GRAMD1C: variants seen among roughly 807,000 people sequenced by gnomAD.
GRAMD1C encodes the protein protein Aster-C.
Under a neutral mutation model 97.8 loss-of-function variants are expected in GRAMD1C, and 89 were observed. That is an observed-to-expected ratio of 0.91 (90% confidence interval 0.77 to 1.09). The LOEUF (loss-of-function observed/expected upper bound fraction) is 1.09, where lower values mean the gene tolerates loss of function less well. Ranked by LOEUF, GRAMD1C falls within the 50% of genes least tolerant of loss-of-function variation. The pLI is 0.00. For synonymous variants in GRAMD1C, 256 were observed against 267.0 expected (o/e 0.96, Z 0.40); for missense variants, 740 against 766.4 (o/e 0.97, Z 0.41).
intron 2 of GRAMD1C, chr3:113,850,449 A>G: frequency 2.3e-6 from 3 of 1,326,434 alleles, no homozygotes; most frequent in Non-Finnish European, 3.2e-6. Flanking sequence ...GGATGGCTGC[A>G]GCGTAGGGTG....
intron 1 of GRAMD1C, among the ~76,000 whole-genome samples, chr3:113,831,969 T>G (rs189589229): frequency 1.1e-3 from 165 of 152,312 alleles, no homozygotes; most frequent in African/African-American, 3.9e-3. Context: ...CAAACTGTCT[T>G]GTTTCTTTGT....
rs537328892 is a variant in GRAMD1C, at chr3:113,870,261, G to A, written c.259+670G>A. 2.0e-5 allele frequency among the ~76,000 whole-genome samples: 3 copies of A among 152,084 alleles called. No homozygotes were observed. The South Asian group carries it at 6.2e-4, about 32-fold the overall frequency. ...GCCTGCAGTCCCAGCTGCTCAAGAG[G>A]CTGAGATGAGAGAATCACTGAGCCC... On this transcript the variant is annotated intron_variant, in intron 3 of 17. Coordinates refer to ENST00000358160, the MANE Select transcript of GRAMD1C (RefSeq NM_017577.5).
intron 2 of GRAMD1C, among the ~76,000 whole-genome samples, chr3:113,857,945 T>G (rs529741000): frequency 6.6e-6 from 1 of 152,206 alleles, no homozygotes; most frequent in African/African-American, 2.4e-5. Context: ...ATGAGGGATA[T>G]TGTTCTGTAA....
At chr3:113,859,854 CA>C (rs1934294825) in intron 2 of GRAMD1C, among the ~76,000 whole-genome samples, 1 of 152,086 alleles carries the variant, frequency 6.6e-6, no homozygotes, top group Admixed American at 6.6e-5. Flanking sequence ...AAAACTCTTT[CA>C]AAAAAACAGA....
intron 5 of GRAMD1C, among the ~76,000 whole-genome samples, chr3:113,879,873 T>C (rs1336304603): frequency 6.6e-6 from 1 of 152,026 alleles, no homozygotes; most frequent in Non-Finnish European, 1.5e-5. Flanking sequence ...TTTGTATTTT[T>C]AGTAGAGACG....
intron 3 of GRAMD1C, among the ~76,000 whole-genome samples, chr3:113,871,600 C>T (rs1335458023): frequency 6.6e-6 from 1 of 151,838 alleles, no homozygotes; most frequent in Non-Finnish European, 1.5e-5. Context: ...AAAAAATTAG[C>T]CAGGTGTGGT....
At chr3:113,885,411 C>T in intron 6 of GRAMD1C, 5 of 1,575,436 alleles carry the variant, frequency 3.2e-6, no homozygotes, top group Non-Finnish European at 8.7e-7. Flanking sequence ...TAATTCAGTA[C>T]CAAACTGTTC....
At position 113,843,121 on chromosome 3, in the gene GRAMD1C, C is replaced by T. The variant is rs142711316; in HGVS notation, c.28-1382C>T. On this transcript the variant is annotated intron_variant, in intron 1 of 17. Coordinates refer to ENST00000358160, the MANE Select transcript of GRAMD1C (RefSeq NM_017577.5). Reference sequence around the variant, plus strand: ...ACAGGGTTTTGCTTTGCCGGCCAGCCTGGAGTGCTGTAGCTTGATCATGGC... The same window carrying T: ...ACAGGGTTTTGCTTTGCCGGCCAGCTTGGAGTGCTGTAGCTTGATCATGGC... Among the ~76,000 whole-genome samples, 579 of 146,616 alleles carry T rather than the reference C, an allele frequency of 3.9e-3. 8 individuals are homozygous for T. The highest frequency in any genetic ancestry group is 0.031 in the South Asian group (147 of 4,684).
chr3:113,850,085 C>G (rs1933827691), intron 2 of GRAMD1C, among the ~76,000 whole-genome samples: 1 of 152,192 alleles, frequency 6.6e-6, no homozygotes, highest in African/African-American at 2.4e-5. Flanking sequence ...CCCCAACTCC[C>G]TCCCTAGAGC....
intron 6 of GRAMD1C, among the ~76,000 whole-genome samples, chr3:113,896,981 A>G (rs550058400): frequency 6.6e-6 from 1 of 152,296 alleles, no homozygotes; most frequent in East Asian, 1.9e-4. Flanking sequence ...AGTCAGAAAT[A>G]TTTTCAAAGA....
Position 113,853,945 on chromosome 3 carries a change from G to C in GRAMD1C, c.174+9296G>C, listed in dbSNP as rs570070876. Among the ~76,000 whole-genome samples the C allele has an allele frequency of 4.6e-5, 7 of 152,224 alleles. No homozygotes were observed. In the South Asian group the frequency reaches 1.5e-3, roughly 32 times the overall value. ...AAAGCGCAGGGTGTTCTATGGAAAG[G>C]CTCTGAGGCTGGAATGAGATTGGCT... is the stretch of plus-strand genomic sequence containing the variant. On this transcript the variant is annotated intron_variant, in intron 2 of 17. Coordinates refer to ENST00000358160, the MANE Select transcript of GRAMD1C (RefSeq NM_017577.5).
chr3:113,864,801 A>G (rs761736050), intron 2 of GRAMD1C, among the ~76,000 whole-genome samples: 10 of 152,172 alleles, frequency 6.6e-5, no homozygotes, highest in South Asian at 4.1e-4. Flanking sequence ...ATTTCTCTTA[A>G]TGACCCATTT....
At chr3:113,887,738 A>G (rs1935570386) in intron 6 of GRAMD1C, among the ~76,000 whole-genome samples, 1 of 150,550 alleles carries the variant, frequency 6.6e-6, no homozygotes, top group Non-Finnish European at 1.5e-5. Context: ...AGGAAAATTG[A>G]CAAACCTTTA....
intron 2 of GRAMD1C, chr3:113,844,963 T>G (rs1933546609): frequency 5.5e-6 from 1 of 180,260 alleles, no homozygotes; most frequent in Admixed American, 6.2e-5. Flanking sequence ...GAAACCATAT[T>G]TCTGAATGTT....
chr3:113,897,432 T>C, intron 6 of GRAMD1C: 1 of 526,310 alleles, frequency 1.9e-6, no homozygotes, highest in Non-Finnish European at 2.4e-6. Flanking sequence ...ATAAAACCTG[T>C]TTACCTATCT....
intron 15 of GRAMD1C, 118 bp from the exon 16 acceptor site, chr3:113,939,768 C>A: frequency 1.8e-6 from 1 of 569,230 alleles, no homozygotes; most frequent in South Asian, 2.4e-5. Context: ...TAAATAATAA[C>A]AACAATGAAA....
At chr3:113,859,757 ACTT>A (rs1484632090) in intron 2 of GRAMD1C, among the ~76,000 whole-genome samples, 2 of 152,208 alleles carry the variant, frequency 1.3e-5, no homozygotes, top group Admixed American at 1.3e-4. Flanking sequence ...ACAGCAACTA[ACTT>A]TTCACGAAGA....
intron 10 of GRAMD1C, chr3:113,919,987 C>A: frequency 1.5e-6 from 1 of 670,460 alleles, no homozygotes; most frequent in Non-Finnish European, 2.8e-6. Flanking sequence ...GGGATATGAC[C>A]CTACTCCAAC....
upstream of GRAMD1C, among the ~76,000 whole-genome samples, chr3:113,838,076 T>C (rs2108063213): frequency 6.6e-6 from 1 of 152,308 alleles, no homozygotes; most frequent in South Asian, 2.1e-4. Flanking sequence ...TGTGTTGATG[T>C]TAATGAGGCA....
Sources: allele counts gnomAD v4.1 joint callset (sites outside exome capture counted in the v4.1 genomes callset), GRCh38; gene constraint gnomAD v4.1.1; transcripts MANE v1.5; gene names NCBI Gene and HGNC (gene_info 2026-07-23, HGNC 2026-07-21).